The following GNG7 variants were observed in gnomAD, a reference collection of about 807,000 sequenced individuals.
GNG7 encodes the protein guanine nucleotide-binding protein G(I)/G(S)/G(O) subunit gamma-7.
Under a neutral mutation model 4.0 loss-of-function variants are expected in GNG7, and 1 was observed. That is an observed-to-expected ratio of 0.25 (90% CI 0.09 to 1.18). The LOEUF is 1.18. Ranked by LOEUF, GNG7 falls within the 50% of genes most tolerant of loss-of-function variation. The pLI is 0.50. For missense variants in GNG7, 86 were observed against 91.9 expected (o/e 0.94, Z 0.26); for synonymous variants, 34 against 36.9 (o/e 0.92, Z 0.29).
In GNG7 at chr19:2,677,145, G is replaced by C. The variant is rs187115862; in HGVS notation, c.-135+25501C>G. ...AATTCTTCCAGGGAGCAGGATCTGG[G>C]AACGTCCTCTGGAGACAGGGCCTTC... On this transcript the variant is annotated intron_variant, in intron 1 of 4. Transcript: ENST00000382159. 3.9e-5 allele frequency among the ~76,000 whole-genome samples: 6 copies of C among 152,286 alleles called. No homozygotes were observed. In the East Asian group the frequency reaches 1.2e-3, roughly 29 times the overall value.
chr19:2,616,473 T>C (rs1257463886), intron 2 of GNG7, among the ~76,000 whole-genome samples: 2 of 151,982 alleles, frequency 1.3e-5, no homozygotes, highest in Admixed American at 6.6e-5. Context: ...ACTCCATCTC[T>C]ATTAAAAAAC....
Position 2,511,966 on chromosome 19 carries a change from G to C in GNG7, c.*3056C>G. 1.0e-6 allele frequency: 1 copy of C among 985,912 alleles called. No individual in the cohort carries two copies. The highest frequency in any genetic ancestry group is 1.2e-6 in the Non-Finnish European group (1 of 829,958). The allele number at this position is 985,912 out of a possible 1,614,324, so 61.1% of individuals were successfully genotyped here. Reference sequence around the variant, plus strand: ...TCACAACAGGGTCGGGGCCTGGCCCGCTGTGGCCCTTCACCTGGCTACTGG... The same window carrying C: ...TCACAACAGGGTCGGGGCCTGGCCCCCTGTGGCCCTTCACCTGGCTACTGG... On this transcript the variant is annotated 3_prime_UTR_variant, in exon 5 of 5. Transcript: ENST00000382159. The surrounding 1 kb of genome is among the most constrained non-coding windows in gnomAD (Gnocchi z 6.3).
chr19:2,566,880 A>G (rs1979926640), intron 2 of GNG7, among the ~76,000 whole-genome samples: 1 of 152,122 alleles, frequency 6.6e-6, no homozygotes, highest in Non-Finnish European at 1.5e-5. Context: ...AGGCAGGCGG[A>G]TCATCTGAGG....
intron 2 of GNG7, among the ~76,000 whole-genome samples, chr19:2,638,224 G>T (rs550851261): frequency 1.3e-5 from 2 of 151,014 alleles, no homozygotes; most frequent in Non-Finnish European, 3.0e-5. Context: ...TTAGCCGGGC[G>T]TGGTGGCATG....
intron 3 of GNG7, chr19:2,538,734 G>T (rs1352808868): frequency 2.2e-6 from 1 of 458,930 alleles, no homozygotes; most frequent in Non-Finnish European, 4.4e-6. Flanking sequence ...TGGAAGTGCT[G>T]ATGGCTTCAG....
At chr19:2,537,104 G>A (rs919029342) in intron 3 of GNG7, among the ~76,000 whole-genome samples, 17 of 151,534 alleles carry the variant, frequency 1.1e-4, no homozygotes, top group Admixed American at 2.0e-4. Flanking sequence ...CCGCCACCGC[G>A]CCCGGCTAAT....
chr19:2,638,523 AGGGAAGAGGGAGGGGAGGAGAAGGGAAG>A (rs1982392088), intron 2 of GNG7, among the ~76,000 whole-genome samples: 1 of 12,734 alleles, frequency 7.9e-5, no homozygotes, highest in Non-Finnish European at 1.9e-4. Context: ...GGGGAGGGGA[AGGGAAGAGGGAGGGGAGGAGAAGGGAAG>A]GGGGAGGGGA....
At chr19:2,548,586 C>A (rs1375486424) in intron 3 of GNG7, among the ~76,000 whole-genome samples, 3 of 150,798 alleles carry the variant, frequency 2.0e-5, no homozygotes, top group Non-Finnish European at 4.4e-5. Flanking sequence ...GTCAGGAGTT[C>A]GATACCAGCC....
intron 2 of GNG7, among the ~76,000 whole-genome samples, chr19:2,583,891 G>C (rs1397965340): frequency 6.6e-6 from 1 of 151,950 alleles, no homozygotes; most frequent in Non-Finnish European, 1.5e-5. Flanking sequence ...ATAATATATT[G>C]CTAAATTAAA....
chr19:2,594,397 A>AGG (rs1260202417), intron 2 of GNG7, among the ~76,000 whole-genome samples: 17 of 124,736 alleles, frequency 1.4e-4, no homozygotes, highest in African/African-American at 5.0e-4. Context: ...GAAGGAAAGA[A>AGG]AGAAGGAGGG....
intron 2 of GNG7, among the ~76,000 whole-genome samples, chr19:2,601,481 A>G (rs185948497): frequency 6.6e-6 from 1 of 152,122 alleles, no homozygotes; most frequent in Admixed American, 6.6e-5. Flanking sequence ...CTCTACAATG[A>G]GCTCCCCAGG....
At chr19:2,605,507 C>A (rs1255462441) in intron 2 of GNG7, among the ~76,000 whole-genome samples, 1 of 62,456 alleles carries the variant, frequency 1.6e-5, no homozygotes. Context: ...CCAAATCTCA[C>A]TTTTTTTTTT....
intron 3 of GNG7, among the ~76,000 whole-genome samples, chr19:2,524,192 C>CA (rs1352305204): frequency 6.6e-6 from 1 of 152,232 alleles, no homozygotes; most frequent in Non-Finnish European, 1.5e-5. Context: ...CCTGGGCAGC[C>CA]ACCGCCCGCA....
chr19:2,536,029 G>A (rs1978723652), intron 3 of GNG7, among the ~76,000 whole-genome samples: 1 of 152,138 alleles, frequency 6.6e-6, no homozygotes. Context: ...GATGGCTGAG[G>A]CAGGAGGATC....
rs1188905302 is a variant in GNG7, at chr19:2,512,867, T to A, written c.*2155A>T. ...TCCCAGGGTCTCTGGAACAGGCTTT[T>A]GTCCCTTCCTGCCATTCCTGCTATG... On this transcript the variant is annotated 3_prime_UTR_variant, in exon 5 of 5. Coordinates refer to ENST00000382159, the MANE Select transcript of GNG7 (RefSeq NM_052847.3). This position sits in a 1 kb window ranked among gnomAD's most constrained non-coding sequence, Gnocchi z 4.7. 3 of 980,582 alleles carry A rather than the reference T, an allele frequency of 3.1e-6. No individual in the cohort carries two copies. Among genetic ancestry groups the A allele is most frequent in the Admixed American group, 6.2e-5 (1 of 16,254 alleles). 60.7% of individuals were successfully genotyped at this position (980,582 alleles called of 1,614,324 possible).
chr19:2,547,518 C>A (rs1217729819), intron 3 of GNG7, among the ~76,000 whole-genome samples: 1 of 152,182 alleles, frequency 6.6e-6, no homozygotes, highest in South Asian at 2.1e-4. Flanking sequence ...CGCCCCCCCA[C>A]CCCGGATCAT....
intron 2 of GNG7, among the ~76,000 whole-genome samples, chr19:2,584,665 AAAGAAG>A (rs1261351793): frequency 5.8e-5 from 6 of 103,074 alleles, no homozygotes; most frequent in African/African-American, 2.3e-4. Context: ...GGAAGGAAGG[AAAGAAG>A]GAAGGAAGGA....
chr19:2,623,129 A>C (rs1981927904), intron 2 of GNG7, among the ~76,000 whole-genome samples: 1 of 152,174 alleles, frequency 6.6e-6, no homozygotes, highest in African/African-American at 2.4e-5. Context: ...GGGGTGTTCC[A>C]AGCCTGGGCA....
At chr19:2,662,453 C>G (rs1029129003) in intron 1 of GNG7, among the ~76,000 whole-genome samples, 29 of 152,162 alleles carry the variant, frequency 1.9e-4, no homozygotes, top group African/African-American at 5.8e-4. Context: ...CTAACCTCTT[C>G]AGATACCAGT....
Sources: allele counts gnomAD v4.1 joint callset (sites outside exome capture counted in the v4.1 genomes callset), GRCh38; gene constraint gnomAD v4.1.1; non-coding constraint Gnocchi (gnomAD v3.1); transcripts MANE v1.5; gene names NCBI Gene and HGNC (gene_info 2026-07-23, HGNC 2026-07-21).